The following EEFSEC variants were observed in gnomAD, a reference collection of about 807,000 sequenced individuals.
EEFSEC encodes eukaryotic elongation factor, selenocysteine-tRNA specific.
EEFSEC carries 43 observed loss-of-function variants against 42.1 expected under a neutral mutation model. The observed-to-expected ratio is 1.02, with a 90% CI of 0.80 to 1.32. The LOEUF (loss-of-function observed/expected upper bound fraction) is 1.32, where lower values mean the gene tolerates loss of function less well. Ranked by LOEUF, EEFSEC falls within the 40% of genes most tolerant of loss-of-function variation. The pLI is 0.00. For missense variants in EEFSEC, 745 were observed against 803.6 expected, an observed-to-expected ratio of 0.93 and a Z score of 0.88; for synonymous variants, 354 against 339.1, an observed-to-expected ratio of 1.04 and a Z score of -0.48.
intron 4 of EEFSEC, among the ~76,000 whole-genome samples, chr3:128,318,432 C>A (rs2066971750): frequency 6.6e-6 from 1 of 152,210 alleles, no homozygotes. Context: ...CAGCAGGCAG[C>A]AGCCATTAGC....
At chr3:128,200,522 A>G (rs994905058) in intron 1 of EEFSEC, among the ~76,000 whole-genome samples, 4 of 152,228 alleles carry the variant, frequency 2.6e-5, no homozygotes, top group African/African-American at 9.6e-5. Context: ...TCCCCACCTC[A>G]GGTGATCCGC....
intron 4 of EEFSEC, among the ~76,000 whole-genome samples, chr3:128,283,189 C>T (rs934054306): frequency 2.6e-5 from 4 of 152,192 alleles, no homozygotes; most frequent in African/African-American, 4.8e-5. Context: ...AGGGACTAGG[C>T]GGTTAAGGCT....
chr3:128,279,147 G>T (rs1369201068), intron 4 of EEFSEC, among the ~76,000 whole-genome samples: 2 of 152,202 alleles, frequency 1.3e-5, no homozygotes, highest in East Asian at 3.9e-4. Context: ...ACCATACGGC[G>T]GCGGCGTTGG....
chr3:128,409,914 C>T (rs1438313104), downstream of EEFSEC, among the ~76,000 whole-genome samples: 1 of 152,228 alleles, frequency 6.6e-6, no homozygotes, highest in African/African-American at 2.4e-5. Flanking sequence ...TTCACTGAGG[C>T]CACTCCGCCC....
chr3:128,378,350 A>C (rs1455694057), intron 6 of EEFSEC, among the ~76,000 whole-genome samples: 1 of 152,172 alleles, frequency 6.6e-6, no homozygotes, highest in Admixed American at 6.5e-5. Context: ...GGAGGGAGCC[A>C]CCACCCAGAA....
At chr3:128,163,338 A>C (rs192744777) in intron 1 of EEFSEC, among the ~76,000 whole-genome samples, 42 of 152,022 alleles carry the variant, frequency 2.8e-4, no homozygotes, top group Non-Finnish European at 5.4e-4. Context: ...TGGTGTGAAC[A>C]CTTCACTCCA....
chr3:128,168,932 A>AG (rs1279246411), intron 1 of EEFSEC, among the ~76,000 whole-genome samples: 3 of 152,228 alleles, frequency 2.0e-5, no homozygotes, highest in African/African-American at 7.2e-5. Flanking sequence ...ATAGAAGGAA[A>AG]GGTGGATCAT....
chr3:128,416,228 G>A, the EEFSEC span, among the ~76,000 whole-genome samples: 1 of 152,160 alleles, frequency 6.6e-6, no homozygotes, highest in African/African-American at 2.4e-5. Flanking sequence ...GAGGCTGCTG[G>A]TTCTGGGCAG....
chr3:128,191,659 CTT>C (rs2065525835), intron 1 of EEFSEC, among the ~76,000 whole-genome samples: 1 of 152,144 alleles, frequency 6.6e-6, no homozygotes, highest in African/African-American at 2.4e-5. Context: ...CACCATTCTA[CTT>C]TTTGTTTATA....
chr3:128,276,221 T>A (rs1452213154), intron 4 of EEFSEC, among the ~76,000 whole-genome samples: 1 of 152,222 alleles, frequency 6.6e-6, no homozygotes, highest in Non-Finnish European at 1.5e-5. Flanking sequence ...TAATTCATTA[T>A]TTCTCACACT....
At chr3:128,364,570 A>G (rs890328482) in intron 6 of EEFSEC, among the ~76,000 whole-genome samples, 1 of 152,190 alleles carries the variant, frequency 6.6e-6, no homozygotes, top group African/African-American at 2.4e-5. Context: ...CCTGGCCCTC[A>G]TACCTGCCCT....
At chr3:128,165,613 C>G (rs2065236352) in intron 1 of EEFSEC, among the ~76,000 whole-genome samples, 1 of 152,202 alleles carries the variant, frequency 6.6e-6, no homozygotes, top group Non-Finnish European at 1.5e-5. Flanking sequence ...GTGATGATTC[C>G]TCTCTTGTCT....
At chr3:128,397,010 C>T (rs1176290504) in intron 6 of EEFSEC, among the ~76,000 whole-genome samples, 2 of 152,206 alleles carry the variant, frequency 1.3e-5, no homozygotes, top group African/African-American at 4.8e-5. Context: ...TGCCAATGGT[C>T]CCCCGACTGG....
Position 128,408,137 on chromosome 3 carries a change from G to T in EEFSEC, c.1669G>T (p.Gly557Trp). Residue 557 changes from glycine (G) to tryptophan (W), a missense_variant, in exon 7 of 7, where the codon GGG becomes TGG. By Grantham distance (184) the Gly-to-Trp change is radical (BLOSUM62 -2). Transcript: ENST00000254730. ...ALKKRARAGR[G>W]EATRQEESAE... is the part of the protein sequence containing the mutation. The stretch of plus-strand genomic sequence containing the variant: ...CAAGAAGCGGGCCCGGGCTGGCCGT[G>T]GGGAGGCCACCAGGCAGGAGGAGAG... The T allele has an allele frequency of 6.2e-7, 1 of 1,611,632 alleles. No individual in the cohort carries two copies. Among genetic ancestry groups the T allele is most frequent in the Non-Finnish European group, 8.5e-7 (1 of 1,178,864 alleles).
At chr3:128,339,989 C>A (rs971473395) in intron 4 of EEFSEC, among the ~76,000 whole-genome samples, 5 of 152,280 alleles carry the variant, frequency 3.3e-5, no homozygotes, top group African/African-American at 9.6e-5. Context: ...TATCTCCCAC[C>A]AGGTCCCTCC....
chr3:128,323,161 G>A (rs2067026245), intron 4 of EEFSEC, among the ~76,000 whole-genome samples: 1 of 152,124 alleles, frequency 6.6e-6, no homozygotes, highest in African/African-American at 2.4e-5. Flanking sequence ...TCTGCACTTA[G>A]GGGTAGTTCA....
At chr3:128,182,592 T>C (rs1424467129) in intron 1 of EEFSEC, among the ~76,000 whole-genome samples, 1 of 152,210 alleles carries the variant, frequency 6.6e-6, no homozygotes, top group Non-Finnish European at 1.5e-5. Flanking sequence ...ATTGACAACA[T>C]ACTGTTCCAC....
intron 4 of EEFSEC, among the ~76,000 whole-genome samples, chr3:128,331,614 A>C (rs181029926): frequency 1.3e-5 from 2 of 151,872 alleles, no homozygotes. Context: ...CCTGGCTCAC[A>C]TAGTGGCTGA....
chr3:128,409,157 G>A (rs1311397694), downstream of EEFSEC, among the ~76,000 whole-genome samples: 1 of 152,244 alleles, frequency 6.6e-6, no homozygotes, highest in Non-Finnish European at 1.5e-5. Flanking sequence ...GGAGTCAACA[G>A]ACTGAGGGGA....
Sources: allele counts gnomAD v4.1 joint callset (sites outside exome capture counted in the v4.1 genomes callset), GRCh38; gene constraint gnomAD v4.1.1; transcripts MANE v1.5; gene names NCBI Gene and HGNC (gene_info 2026-07-23, HGNC 2026-07-21).